TRAM1: variants seen among roughly 807,000 people sequenced by gnomAD.
The protein encoded by TRAM1 is translocation associated membrane protein 1, also known as translocating chain-associated membrane protein 1.
TRAM1 carries 17 observed loss-of-function variants against 48.7 expected under a neutral mutation model. The observed-to-expected ratio is 0.35, with a 90% CI of 0.24 to 0.52. The LOEUF (loss-of-function observed/expected upper bound fraction) is 0.52. TRAM1 is among the 20% of genes least tolerant of loss of function. The pLI is 0.94. For missense variants in TRAM1, 351 were observed against 441.5 expected, an observed-to-expected ratio of 0.79 and a Z score of 1.84; for synonymous variants, 182 against 154.0, an observed-to-expected ratio of 1.18 and a Z score of -1.34.
Position 70,574,508 on chromosome 8 carries a change from T to G in TRAM1, c.*424A>C. The G allele has an allele frequency of 4.8e-6, 1 of 208,176 alleles. No individual in the cohort carries two copies. The highest frequency in any genetic ancestry group is 7.1e-5 in the South Asian group (1 of 14,118). 12.9% of individuals were successfully genotyped at this position (208,176 alleles called of 1,614,324 possible). On this transcript the variant is annotated 3_prime_UTR_variant, in exon 11 of 11. Coordinates refer to ENST00000262213, the MANE Select transcript of TRAM1 (RefSeq NM_014294.6). ...ACATATTAAAGTTTGACATCCAACT[T>G]TATAGTATTTCCATGTTACCCTGAA...
At chr8:70,606,665 TGTTA>T (rs1468393689) in intron 1 of TRAM1, among the ~76,000 whole-genome samples, 1 of 152,178 alleles carries the variant, frequency 6.6e-6, no homozygotes, top group Non-Finnish European at 1.5e-5. Flanking sequence ...AGCTTGAGAA[TGTTA>T]GTTTCCTTCT....
chr8:70,583,780 C>T lies in TRAM1; in HGVS notation c.760G>A (p.Ala254Thr), dbSNP rs747341051. 1.9e-6 allele frequency: 3 copies of T among 1,547,472 alleles called. No homozygotes were observed. Among genetic ancestry groups the T allele is most frequent in the Non-Finnish European group, 2.6e-6 (3 of 1,154,234 alleles). The change falls in exon 9 of 11, where the codon GCA becomes ACA. Residue 254 changes from alanine to threonine, a missense_variant. Transcript: ENST00000262213. ...AGTCTTCCCAAAACAAAAAGAACTG[C>T]CCACAGAGAAAATCTGCAAGAAAAA... ...EKYQKGFSLW[A>T]VLFVLGRLLT...
At chr8:70,607,354 C>T in intron 1 of TRAM1, 2 of 985,458 alleles carry the variant, frequency 2.0e-6, no homozygotes, top group Non-Finnish European at 2.4e-6. Context: ...CTCGATTTAT[C>T]CATCAGACCT....
At chr8:70,577,759 G>T (rs550300357) in intron 10 of TRAM1, among the ~76,000 whole-genome samples, 2 of 152,340 alleles carry the variant, frequency 1.3e-5, no homozygotes, top group South Asian at 4.2e-4. Context: ...AGATCTAGGG[G>T]CTCCCTGAGC....
At chr8:70,594,631 A>C (rs746514025) in intron 5 of TRAM1, 41 bp from the exon 6 acceptor site, 1 of 1,481,280 alleles carries the variant, frequency 6.8e-7, no homozygotes, top group Non-Finnish European at 9.1e-7. Context: ...TTTAAAGCAT[A>C]ATTTTTTTAA....
chr8:70,607,599 C>CG (rs1390373408), intron 1 of TRAM1: 1 of 590,662 alleles, frequency 1.7e-6, no homozygotes, highest in East Asian at 1.4e-4. Flanking sequence ...TCCTCAGACC[C>CG]GGGGGCCGGG....
chr8:70,597,099 T>TA (rs1817503571), intron 4 of TRAM1, among the ~76,000 whole-genome samples: 1 of 152,154 alleles, frequency 6.6e-6, no homozygotes, highest in Non-Finnish European at 1.5e-5. Context: ...TAGAAAGAAT[T>TA]ATGTGTCTGA....
chr8:70,578,765 G>T lies in TRAM1; in HGVS notation c.1052-3760C>A, dbSNP rs184789729. On this transcript the variant is annotated intron_variant, in intron 10 of 10. Transcript: ENST00000262213. ...TTCTTTACAGCCAGCACAACCTTGAGGTCAAAATCTGACATATTACAAAAA... is the reference window on the plus strand; with the variant it reads ...TTCTTTACAGCCAGCACAACCTTGATGTCAAAATCTGACATATTACAAAAA... 5.3e-5 allele frequency among the ~76,000 whole-genome samples: 8 copies of T among 152,274 alleles called. No homozygotes were observed. In the East Asian group the frequency reaches 1.5e-3, roughly 29 times the overall value.
intron 4 of TRAM1, among the ~76,000 whole-genome samples, 174 bp from the exon 5 acceptor site, chr8:70,596,495 C>A (rs560367783): frequency 2.0e-5 from 3 of 152,220 alleles, no homozygotes; most frequent in African/African-American, 7.2e-5. Flanking sequence ...GAGTTGGTTA[C>A]TTGAGCAAAA....
In TRAM1 at chr8:70,594,578, C is replaced by T. The variant is rs759646038; in HGVS notation, c.498G>A (p.Lys166=). 7.5e-6 allele frequency: 12 copies of T among 1,596,404 alleles called. No individual in the cohort carries two copies. The South Asian group carries it at 1.4e-4, about 18-fold the overall frequency. Residue 166 remains lysine (K), a synonymous_variant, in exon 6 of 11, where the codon AAG becomes AAA. Transcript: ENST00000262213. Reference sequence around the variant, plus strand: ...AAGCCAGCTGTGATATGTAGAAAAACTTCATTTGAAATCTGTACAACACAA... The same window carrying T: ...AAGCCAGCTGTGATATGTAGAAAAATTTCATTTGAAATCTGTACAACACAA... ...YPHNLMTFQM[K]FFYISQLAYW... is the part of the protein sequence containing the mutation.
chr8:70,587,942 T>C (rs1213929759), intron 6 of TRAM1, among the ~76,000 whole-genome samples: 16 of 152,140 alleles, frequency 1.1e-4, no homozygotes, highest in Admixed American at 1.0e-3. Flanking sequence ...TGGGGCCAGG[T>C]GTGATGGTTC....
At chr8:70,607,392 G>T in intron 1 of TRAM1, 7 of 985,466 alleles carry the variant, frequency 7.1e-6, no homozygotes, top group Non-Finnish European at 8.4e-6. Flanking sequence ...AGGGCAAAAA[G>T]TTCGTTAACT....
chr8:70,604,265 G>A (rs1057165650), intron 1 of TRAM1, among the ~76,000 whole-genome samples: 3 of 152,094 alleles, frequency 2.0e-5, no homozygotes, highest in African/African-American at 4.8e-5. Flanking sequence ...AAATGTCACC[G>A]GTTGGGGCTT....
chr8:70,583,320 C>A lies in TRAM1; in HGVS notation c.895G>T (p.Ala299Ser). The change falls in exon 10 of 11, where the codon GCT becomes TCT. Residue 299 changes from alanine (A) to serine (S), a missense_variant. Ala to Ser is a moderately conservative substitution (Grantham distance 99, BLOSUM62 1). Coordinates refer to ENST00000262213, the MANE Select transcript of TRAM1 (RefSeq NM_014294.6). The part of the protein sequence containing the change: ...GNFNVLAVRI[A>S]VLASICVTQA... ...GTAACGCAAATGGATGCCAGAACAG[C>A]GATTCTAAGAAATATTAAGACATAA... 1 of 1,612,060 alleles carries A rather than the reference C, an allele frequency of 6.2e-7. No homozygotes were observed. The highest frequency in any genetic ancestry group is 8.5e-7 in the Non-Finnish European group (1 of 1,179,266).
At chr8:70,584,615 C>T (rs1334670882) in intron 8 of TRAM1, among the ~76,000 whole-genome samples, 1 of 152,176 alleles carries the variant, frequency 6.6e-6, no homozygotes, top group Admixed American at 6.5e-5. Flanking sequence ...GTACAAAAAT[C>T]ACAAGCATTC....
intron 6 of TRAM1, among the ~76,000 whole-genome samples, chr8:70,588,580 G>A (rs912328286): frequency 1.3e-5 from 2 of 151,808 alleles, no homozygotes; most frequent in Non-Finnish European, 2.9e-5. Flanking sequence ...AGAGCCAGAC[G>A]CTGTCTCAAA....
Position 70,606,981 on chromosome 8 carries a change from T to C in TRAM1, c.123+1096A>G, listed in dbSNP as rs1157466945. The stretch of plus-strand genomic sequence containing the variant: ...ATGTCCCAGGCACTATCCTAGACTC[T>C]GGAAATACAGACTCGTAAAAATACT... On this transcript the variant is annotated intron_variant, in intron 1 of 10. Coordinates refer to ENST00000262213, the MANE Select transcript of TRAM1 (RefSeq NM_014294.6). 5.2e-6 allele frequency: 5 copies of C among 959,916 alleles called. No individual in the cohort carries two copies. In the South Asian group the frequency reaches 1.4e-4, roughly 28 times the overall value. The allele number at this position is 959,916 out of a possible 1,614,324, so 59.5% of individuals were successfully genotyped here. A position where few individuals can be genotyped will look rare whatever the true frequency, so the allele number is the denominator to read the frequency against.
chr8:70,574,293 GATTTA>G lies in TRAM1; in HGVS notation c.*634_*638del. 2.6e-6 allele frequency: 1 copy of G among 390,046 alleles called. No individual in the cohort carries two copies. The highest frequency in any genetic ancestry group is 4.9e-6 in the Non-Finnish European group (1 of 204,044). The allele number at this position is 390,046 out of a possible 1,614,324, so 24.2% of individuals were successfully genotyped here. A position where few individuals can be genotyped will look rare whatever the true frequency, so the allele number is the denominator to read the frequency against. On this transcript the variant is annotated 3_prime_UTR_variant, in exon 11 of 11. Coordinates refer to ENST00000262213, the MANE Select transcript of TRAM1 (RefSeq NM_014294.6). ...ACAAGTACTTTTAAGAATATACTTT[GATTTA>G]ATATGTATGTTAGTAAAACTCCACG...
intron 6 of TRAM1, among the ~76,000 whole-genome samples, chr8:70,592,717 TTAAGAAG>T (rs1483543863): frequency 6.6e-6 from 1 of 152,188 alleles, no homozygotes; most frequent in Non-Finnish European, 1.5e-5. Flanking sequence ...TACAAATACC[TTAAGAAG>T]GCTTTAAATA....
Sources: gnomAD v4.1 joint callset for allele counts (sites outside exome capture counted in the v4.1 genomes callset) on GRCh38, gnomAD v4.1.1 for gene constraint, MANE v1.5 for transcripts, NCBI Gene and HGNC (gene_info 2026-07-23, HGNC 2026-07-21) for gene names.